TACR3: variants seen among roughly 807,000 people sequenced by gnomAD.
The protein encoded by TACR3 is tachykinin receptor 3, also known as neuromedin-K receptor.
A neutral mutation model predicts 35.0 loss-of-function variants in TACR3; 34 were observed. The observed-to-expected ratio is 0.97, with a 90% CI of 0.74 to 1.30. The LOEUF (loss-of-function observed/expected upper bound fraction) is 1.30, where lower values mean the gene tolerates loss of function less well. Ranked by LOEUF, TACR3 falls within the 50% of genes most tolerant of loss-of-function variation. The pLI, the probability that TACR3 is intolerant of heterozygous loss-of-function variation, is 0.00. For missense variants in TACR3, 558 were observed against 591.7 expected (o/e 0.94, Z 0.59); for synonymous variants, 233 against 221.1 (o/e 1.05, Z -0.48).
intron 1 of TACR3, among the ~76,000 whole-genome samples, chr4:103,699,495 T>C (rs1054569138): frequency 6.6e-6 from 1 of 152,138 alleles, no homozygotes; most frequent in Non-Finnish European, 1.5e-5. Context: ...AGAGGAGATA[T>C]ATTGTGATTC....
chr4:103,614,270 GTTT>G (rs1002226932), intron 3 of TACR3, among the ~76,000 whole-genome samples: 18 of 152,078 alleles, frequency 1.2e-4, no homozygotes, highest in African/African-American at 4.1e-4. Flanking sequence ...CATCATAATA[GTTT>G]TTTAATAGGA....
At chr4:103,697,949 T>C (rs1196351059) in intron 1 of TACR3, among the ~76,000 whole-genome samples, 1 of 152,208 alleles carries the variant, frequency 6.6e-6, no homozygotes, top group African/African-American at 2.4e-5. Flanking sequence ...CTGTGAATGG[T>C]GAACGGGGAT....
intron 3 of TACR3, among the ~76,000 whole-genome samples, chr4:103,596,797 C>T (rs1007390975): frequency 5.9e-5 from 9 of 151,616 alleles, no homozygotes; most frequent in South Asian, 2.1e-4. Context: ...TGTTCCCCTT[C>T]CTGTGTCCAT....
chr4:103,632,542 G>GT (rs767775982), intron 3 of TACR3, among the ~76,000 whole-genome samples: 1 of 151,642 alleles, frequency 6.6e-6, no homozygotes, highest in Non-Finnish European at 1.5e-5. Context: ...CTGTTGGTGG[G>GT]TGGGGGGTGA....
chr4:103,684,483 C>T (rs1291525908), intron 1 of TACR3, among the ~76,000 whole-genome samples: 2 of 151,992 alleles, frequency 1.3e-5, no homozygotes, highest in African/African-American at 2.4e-5. Flanking sequence ...ATAAAATAGG[C>T]ATGTAGCTAT....
intron 1 of TACR3, among the ~76,000 whole-genome samples, chr4:103,688,431 C>T (rs1362370437): frequency 2.6e-5 from 4 of 151,158 alleles, no homozygotes; most frequent in Middle Eastern, 3.2e-3. Context: ...TTCTGCACAG[C>T]AAAAGAAACT....
intron 1 of TACR3, among the ~76,000 whole-genome samples, chr4:103,705,927 G>A: frequency 6.6e-6 from 1 of 152,018 alleles, no homozygotes; most frequent in Non-Finnish European, 1.5e-5. Context: ...TTCTAAATAG[G>A]GGTGTGGAAA....
At chr4:103,695,419 T>C (rs1393178025) in intron 1 of TACR3, among the ~76,000 whole-genome samples, 2 of 152,156 alleles carry the variant, frequency 1.3e-5, no homozygotes, top group Non-Finnish European at 2.9e-5. Flanking sequence ...AATAAAGACC[T>C]GTATGATGAT....
chr4:103,594,470 C>A (rs1327994341), intron 3 of TACR3, among the ~76,000 whole-genome samples: 1 of 152,126 alleles, frequency 6.6e-6, no homozygotes, highest in Non-Finnish European at 1.5e-5. Flanking sequence ...AGACACTGCA[C>A]CCGGCCTAAT....
chr4:103,600,933 T>G (rs956106614), intron 3 of TACR3, among the ~76,000 whole-genome samples: 15 of 152,164 alleles, frequency 9.9e-5, no homozygotes, highest in African/African-American at 3.6e-4. Context: ...GAATGCATAT[T>G]TTGTTGATTT....
chr4:103,614,884 G>GTGTTTTTTTTT (rs1724601239), intron 3 of TACR3, among the ~76,000 whole-genome samples: 2 of 72,060 alleles, frequency 2.8e-5, no homozygotes, highest in African/African-American at 1.2e-4. Context: ...TTATGAATGT[G>GTGTTTTTTTTT]TTTTTTTTTT....
chr4:103,700,391 T>A (rs908346937), intron 1 of TACR3, among the ~76,000 whole-genome samples: 2 of 152,146 alleles, frequency 1.3e-5, no homozygotes, highest in Non-Finnish European at 2.9e-5. Context: ...TTAAATAGTC[T>A]TGATACTTGG....
At chr4:103,718,345 C>T (rs1723136122) in intron 1 of TACR3, among the ~76,000 whole-genome samples, 1 of 152,146 alleles carries the variant, frequency 6.6e-6, no homozygotes, top group Non-Finnish European at 1.5e-5. Flanking sequence ...TAAAGTGAAG[C>T]CAGCCTTCAA....
At chr4:103,677,499 C>A (rs1378586480) in intron 1 of TACR3, among the ~76,000 whole-genome samples, 1 of 152,068 alleles carries the variant, frequency 6.6e-6, no homozygotes, top group Non-Finnish European at 1.5e-5. Flanking sequence ...AAATGTGGTA[C>A]ATATACCACG....
intron 3 of TACR3, among the ~76,000 whole-genome samples, chr4:103,638,470 C>T (rs1206544729): frequency 1.2e-4 from 18 of 151,914 alleles, no homozygotes; most frequent in South Asian, 2.1e-4. Context: ...CATGTTCGAC[C>T]TAAAACCATA....
intron 3 of TACR3, among the ~76,000 whole-genome samples, chr4:103,621,610 C>T (rs1185714575): frequency 6.6e-6 from 1 of 151,992 alleles, no homozygotes; most frequent in East Asian, 1.9e-4. Flanking sequence ...ATTTGAAGGT[C>T]CTTGTCATTC....
intron 1 of TACR3, among the ~76,000 whole-genome samples, chr4:103,698,660 T>C (rs1722580152): frequency 6.6e-6 from 1 of 152,088 alleles, no homozygotes; most frequent in Admixed American, 6.6e-5. Flanking sequence ...TTCTTACTCA[T>C]AAGTGAGAAC....
chr4:103,620,691 A>T (rs6815956), intron 3 of TACR3, among the ~76,000 whole-genome samples: 1 of 151,840 alleles, frequency 6.6e-6, no homozygotes, highest in South Asian at 2.1e-4. Flanking sequence ...TAGGAGCTAA[A>T]CATTGAGCAC....
chr4:103,656,940 C>G (rs937826776), intron 2 of TACR3, among the ~76,000 whole-genome samples: 2 of 124,070 alleles, frequency 1.6e-5, no homozygotes, highest in African/African-American at 7.5e-5. Flanking sequence ...GCATTGTTAA[C>G]TTGGTAAAAA....
Sources: allele counts gnomAD v4.1 joint callset (sites outside exome capture counted in the v4.1 genomes callset), GRCh38; gene constraint gnomAD v4.1.1; transcripts MANE v1.5; gene names NCBI Gene and HGNC (gene_info 2026-07-23, HGNC 2026-07-21).